The following NELL1 variants were observed in gnomAD, a reference collection of about 807,000 sequenced individuals.
The protein encoded by NELL1 is neural EGFL like 1, also known as protein kinase C-binding protein NELL1.
NELL1 carries 76 observed loss-of-function variants against 107.4 expected under a neutral mutation model. That is an observed-to-expected ratio of 0.71 (90% CI 0.59 to 0.86). The LOEUF is 0.86. Ranked by LOEUF, NELL1 falls within the 40% of genes least tolerant of loss-of-function variation. NELL1 has a pLI of 0.00. For missense variants in NELL1, 1,024 were observed against 1,005.5 expected (o/e 1.02, Z -0.25); for synonymous variants, 353 against 341.2 (o/e 1.03, Z -0.38).
chr11:21,129,278 C>T (rs1488191660), intron 13 of NELL1, among the ~76,000 whole-genome samples: 1 of 152,052 alleles, frequency 6.6e-6, no homozygotes, highest in Non-Finnish European at 1.5e-5. Context: ...GGAACTGGAA[C>T]CCTCGTGCAC....
chr11:20,843,290 A>T (rs935692612), intron 3 of NELL1, among the ~76,000 whole-genome samples: 1 of 152,116 alleles, frequency 6.6e-6, no homozygotes, highest in African/African-American at 2.4e-5. Flanking sequence ...GTTCAGGGCC[A>T]CAGAAAAATC....
At chr11:21,043,894 A>G (rs1853296896) in intron 12 of NELL1, among the ~76,000 whole-genome samples, 1 of 152,162 alleles carries the variant, frequency 6.6e-6, no homozygotes, top group Non-Finnish European at 1.5e-5. Flanking sequence ...GGAAATTGCA[A>G]GATTTCTATT....
chr11:21,096,670 T>C (rs1216041934), intron 12 of NELL1, among the ~76,000 whole-genome samples: 1 of 152,130 alleles, frequency 6.6e-6, no homozygotes, highest in Non-Finnish European at 1.5e-5. Flanking sequence ...CTTGAAGATT[T>C]CTATTTTGGG....
At chr11:20,675,918 T>C (rs1040713230) in intron 1 of NELL1, among the ~76,000 whole-genome samples, 1 of 152,056 alleles carries the variant, frequency 6.6e-6, no homozygotes, top group Non-Finnish European at 1.5e-5. Flanking sequence ...CGGCTAATTT[T>C]TTGATCTTTT....
At chr11:20,913,344 C>T (rs762688003) in intron 5 of NELL1, among the ~76,000 whole-genome samples, 3 of 152,002 alleles carry the variant, frequency 2.0e-5, no homozygotes, top group Admixed American at 6.6e-5. Context: ...GAAATAAGAG[C>T]GTTAAAAAAG....
intron 14 of NELL1, chr11:21,260,385 T>A (rs543700912): frequency 1.1e-4 from 16 of 152,006 alleles, no homozygotes; most frequent in African/African-American, 3.9e-4. Flanking sequence ...CTTCATTAGG[T>A]GTCCCTTTGT....
intron 14 of NELL1, among the ~76,000 whole-genome samples, chr11:21,258,606 T>G (rs1166651255): frequency 6.6e-6 from 1 of 151,940 alleles, no homozygotes; most frequent in Non-Finnish European, 1.5e-5. Context: ...GCCCTTCAAC[T>G]GATTAGATAT....
intron 2 of NELL1, among the ~76,000 whole-genome samples, chr11:20,705,731 C>A (rs1387485866): frequency 6.7e-6 from 1 of 148,276 alleles, no homozygotes; most frequent in Non-Finnish European, 1.5e-5. Flanking sequence ...AACAGGCAAC[C>A]TACAGAATGG....
chr11:21,368,733 T>G (rs1851290170), intron 14 of NELL1, among the ~76,000 whole-genome samples: 1 of 152,124 alleles, frequency 6.6e-6, no homozygotes, highest in Non-Finnish European at 1.5e-5. Context: ...TGATGATGAT[T>G]ACATTGTATT....
chr11:21,477,453 A>G (rs1459120339), intron 15 of NELL1, among the ~76,000 whole-genome samples: 1 of 152,142 alleles, frequency 6.6e-6, no homozygotes, highest in East Asian at 1.9e-4. Context: ...TGGTACCTCT[A>G]TGAATCTGCA....
At position 21,337,839 on chromosome 11, in the gene NELL1, T is replaced by TC. The variant is rs879819686; in HGVS notation, c.1550-33014_1550-33013insC. Among the ~76,000 whole-genome samples, 111 of 141,384 alleles carry TC rather than the reference T, an allele frequency of 7.9e-4. 6 individuals carry two copies. In the South Asian group the frequency reaches 0.02, roughly 25 times the overall value. 92.8% of individuals were successfully genotyped at this position (141,384 alleles called of 152,430 possible). On this transcript the variant is annotated intron_variant, in intron 14 of 19. Transcript: ENST00000357134. ...TTCCTTCTTTCTTTCTTTCTTTCTT[T>TC]TCTTTCTTTCTTTCTTTCTTTCTTT... is the stretch of plus-strand genomic sequence containing the variant.
intron 2 of NELL1, among the ~76,000 whole-genome samples, chr11:20,757,735 G>A (rs17232778): frequency 0.047 from 7,145 of 152,140 alleles, 252 homozygotes; most frequent in Non-Finnish European, 0.072. Flanking sequence ...TTTCTAAACC[G>A]ATTTTACCTA....
chr11:20,744,982 CT>C (rs1421737503), intron 2 of NELL1, among the ~76,000 whole-genome samples: 8 of 152,302 alleles, frequency 5.3e-5, no homozygotes, highest in African/African-American at 1.9e-4. Flanking sequence ...TTAGAGACAT[CT>C]TTGAGGACCT....
intron 12 of NELL1, among the ~76,000 whole-genome samples, chr11:21,028,414 C>A (rs16907292): frequency 0.05 from 7,664 of 152,180 alleles, 517 homozygotes; most frequent in East Asian, 0.35. Flanking sequence ...AAAACATTTA[C>A]AAAACAGGGG....
chr11:21,103,566 T>C (rs930582586), intron 12 of NELL1, among the ~76,000 whole-genome samples: 2 of 152,210 alleles, frequency 1.3e-5, no homozygotes, highest in African/African-American at 4.8e-5. Flanking sequence ...CTTAAAACTA[T>C]GCTTGGCATA....
At chr11:21,317,800 G>A (rs1464001620) in intron 14 of NELL1, among the ~76,000 whole-genome samples, 1 of 151,972 alleles carries the variant, frequency 6.6e-6, no homozygotes, top group African/African-American at 2.4e-5. Context: ...CCTGGACAAG[G>A]CATTTATAGT....
chr11:21,045,824 G>A (rs1853340733), intron 12 of NELL1, among the ~76,000 whole-genome samples: 1 of 152,092 alleles, frequency 6.6e-6, no homozygotes, highest in East Asian at 1.9e-4. Flanking sequence ...ACATTCTTTA[G>A]TTTAGTCATA....
chr11:21,416,785 G>C (rs1055801508), intron 15 of NELL1, among the ~76,000 whole-genome samples: 2 of 152,022 alleles, frequency 1.3e-5, no homozygotes, highest in African/African-American at 4.8e-5. Flanking sequence ...TGGGCAGCTT[G>C]ACCCATCTTC....
chr11:20,993,117 C>A (rs1452736205), intron 12 of NELL1, among the ~76,000 whole-genome samples: 2 of 152,106 alleles, frequency 1.3e-5, no homozygotes, highest in Admixed American at 6.5e-5. Flanking sequence ...GTATGCCTGG[C>A]AAACTCTTAC....
Sources: gnomAD v4.1 joint callset for allele counts (sites outside exome capture counted in the v4.1 genomes callset) on GRCh38, gnomAD v4.1.1 for gene constraint, MANE v1.5 for transcripts, NCBI Gene and HGNC (gene_info 2026-07-23, HGNC 2026-07-21) for gene names.